CTIF: variants seen among roughly 807,000 people sequenced by gnomAD.
CTIF encodes cap binding complex dependent translation initiation factor, also known as CBP80/20-dependent translation initiation factor.
A neutral mutation model predicts 66.0 loss-of-function variants in CTIF; 21 were observed. The ratio of observed to expected loss-of-function variants is 0.32; its 90% CI spans 0.23 to 0.46. The LOEUF (loss-of-function observed/expected upper bound fraction) is 0.46, where lower values mean the gene tolerates loss of function less well. Among genes scored for constraint, CTIF ranks in the 20% least tolerant of loss-of-function variants. The probability of loss-of-function intolerance (pLI) is 1.00; values close to 1 mark genes in which losing one functional copy is unlikely to be tolerated. For synonymous variants in CTIF, 345 were observed against 326.4 expected, an observed-to-expected ratio of 1.06 and a Z score of -0.62; for missense variants, 739 against 812.7, an observed-to-expected ratio of 0.91 and a Z score of 1.10.
chr18:48,710,115 G>A (rs972511560), intron 6 of CTIF, among the ~76,000 whole-genome samples: 58 of 152,368 alleles, frequency 3.8e-4, no homozygotes, highest in African/African-American at 1.2e-3. Context: ...GCTGAGCCCC[G>A]TGAAGGCAAA....
At chr18:48,771,191 T>C (rs1209851007) in intron 9 of CTIF, among the ~76,000 whole-genome samples, 2 of 152,226 alleles carry the variant, frequency 1.3e-5, no homozygotes, top group African/African-American at 2.4e-5. Context: ...ACATTTACCA[T>C]GTGTCCCTTT....
intron 3 of CTIF, among the ~76,000 whole-genome samples, chr18:48,659,286 C>T (rs901210430): frequency 3.3e-5 from 5 of 152,170 alleles, no homozygotes; most frequent in African/African-American, 9.7e-5. Context: ...AGCTTCTCGT[C>T]TGCCAGGCCC....
At chr18:48,818,976 CAAT>C in intron 10 of CTIF, among the ~76,000 whole-genome samples, 1 of 152,166 alleles carries the variant, frequency 6.6e-6, no homozygotes, top group Non-Finnish European at 1.5e-5. Context: ...GAAAGAAAGA[CAAT>C]AATAGAGCAA....
intron 9 of CTIF, among the ~76,000 whole-genome samples, chr18:48,766,727 C>T (rs1909581880): frequency 6.6e-6 from 1 of 152,202 alleles, no homozygotes; most frequent in Admixed American, 6.5e-5. Context: ...CTCTGCTGAG[C>T]CATGGGGGAA....
chr18:48,630,739 G>A (rs867041815), intron 2 of CTIF, among the ~76,000 whole-genome samples: 5 of 151,240 alleles, frequency 3.3e-5, no homozygotes, highest in Admixed American at 6.6e-5. Context: ...GCGGTGGCGC[G>A]ATCTCTGCTT....
At chr18:48,703,806 G>A (rs2092115860) in intron 6 of CTIF, among the ~76,000 whole-genome samples, 1 of 152,240 alleles carries the variant, frequency 6.6e-6, no homozygotes, top group African/African-American at 2.4e-5. Flanking sequence ...GTGAAGGGCA[G>A]GGTGGGCTTG....
chr18:48,758,892 A>C (rs1354577311), intron 8 of CTIF, among the ~76,000 whole-genome samples: 5 of 152,218 alleles, frequency 3.3e-5, no homozygotes, highest in Non-Finnish European at 7.3e-5. Flanking sequence ...GAGTGGGGGC[A>C]GGCTGATTCC....
chr18:48,637,957 G>A (rs2090854446), intron 3 of CTIF, among the ~76,000 whole-genome samples: 1 of 152,100 alleles, frequency 6.6e-6, no homozygotes, highest in Non-Finnish European at 1.5e-5. Flanking sequence ...CGTGCCATTT[G>A]CAGATGAGGA....
At chr18:48,664,336 C>T (rs1034965584) in intron 4 of CTIF, 111 bp from the exon 5 acceptor site, 13 of 918,560 alleles carry the variant, frequency 1.4e-5, no homozygotes, top group African/African-American at 8.1e-5. Flanking sequence ...TGGCCCCTGG[C>T]GGCTCCTTTC....
chr18:48,792,906 T>C (rs2067824801), intron 9 of CTIF, among the ~76,000 whole-genome samples: 1 of 152,168 alleles, frequency 6.6e-6, no homozygotes, highest in African/African-American at 2.4e-5. Context: ...AGGGGTGATC[T>C]GGATAGAAAT....
chr18:48,695,670 C>T (rs2091995966), intron 6 of CTIF, among the ~76,000 whole-genome samples: 1 of 152,232 alleles, frequency 6.6e-6, no homozygotes, highest in Admixed American at 6.5e-5. Flanking sequence ...AAATTAGTTA[C>T]TGTATCAGAA....
At chr18:48,812,563 CG>C (rs2068279705) in intron 9 of CTIF, among the ~76,000 whole-genome samples, 1 of 151,796 alleles carries the variant, frequency 6.6e-6, no homozygotes, top group South Asian at 2.1e-4. Context: ...GAAAATTCAG[CG>C]GGGGCAACGT....
chr18:48,721,395 G>A (rs2092334016), intron 7 of CTIF, among the ~76,000 whole-genome samples: 1 of 152,202 alleles, frequency 6.6e-6, no homozygotes, highest in Non-Finnish European at 1.5e-5. Flanking sequence ...CAGAGGTCTA[G>A]TCTCTACTGA....
intron 10 of CTIF, chr18:48,826,271 G>A (rs1407422012): frequency 6.6e-6 from 1 of 152,212 alleles, no homozygotes; most frequent in African/African-American, 2.4e-5. Flanking sequence ...TTCCAGGCAT[G>A]GCTCAAGAGA....
intron 10 of CTIF, among the ~76,000 whole-genome samples, chr18:48,823,797 A>G (rs2068529753): frequency 6.7e-6 from 1 of 150,306 alleles, no homozygotes; most frequent in Non-Finnish European, 1.5e-5. Context: ...CCAATCAAAG[A>G]TCAGGAATAA....
At chr18:48,603,162 A>ATGGATGGG (rs2090129423) in intron 1 of CTIF, among the ~76,000 whole-genome samples, 1 of 142,924 alleles carries the variant, frequency 7.0e-6, no homozygotes, top group South Asian at 2.4e-4. Flanking sequence ...GGATGGATGG[A>ATGGATGGG]TGGTTGGATG....
intron 6 of CTIF, among the ~76,000 whole-genome samples, chr18:48,710,864 C>T (rs1156887953): frequency 2.0e-5 from 3 of 152,068 alleles, no homozygotes; most frequent in Admixed American, 6.5e-5. Flanking sequence ...ACTGGCTACA[C>T]GGGAGGCTGA....
intron 9 of CTIF, among the ~76,000 whole-genome samples, chr18:48,797,494 G>GT (rs200471244): frequency 3.4e-4 from 48 of 142,534 alleles, no homozygotes; most frequent in African/African-American, 5.8e-4. Context: ...AAAAGAAAAG[G>GT]GGTGGGGGGG....
intron 1 of CTIF, among the ~76,000 whole-genome samples, chr18:48,609,070 G>A (rs1364993007): frequency 6.6e-6 from 1 of 152,204 alleles, no homozygotes. Context: ...ACAGCTGGTG[G>A]TGGGGCTCAC....
Sources: gnomAD v4.1 joint callset for allele counts (sites outside exome capture counted in the v4.1 genomes callset) on GRCh38, gnomAD v4.1.1 for gene constraint, MANE v1.5 for transcripts, NCBI Gene and HGNC (gene_info 2026-07-23, HGNC 2026-07-21) for gene names.